Variants in TRIM71 observed in about 807,000 individuals in gnomAD.
The protein encoded by TRIM71 is tripartite motif containing 71, also known as E3 ubiquitin-protein ligase TRIM71.
TRIM71 carries 9 observed loss-of-function variants against 61.2 expected under a neutral mutation model. That is an observed-to-expected ratio of 0.15 (90% confidence interval 0.09 to 0.26). TRIM71 has a LOEUF of 0.26. Ranked by LOEUF, TRIM71 falls within the 10% of genes least tolerant of loss-of-function variation. The pLI is 1.00. For synonymous variants in TRIM71, 645 were observed against 553.2 expected (o/e 1.17, Z -2.33); for missense variants, 998 against 1,238.7 (o/e 0.81, Z 2.92).
At chr3:32,820,615 G>A (rs545215816) in intron 1 of TRIM71, among the ~76,000 whole-genome samples, 1 of 152,336 alleles carries the variant, frequency 6.6e-6, no homozygotes, top group South Asian at 2.1e-4. Context: ...TTCCCCTTCT[G>A]AGAGGTGCTT....
chr3:32,858,971 C>T (rs1167942789), intron 1 of TRIM71, among the ~76,000 whole-genome samples: 1 of 152,066 alleles, frequency 6.6e-6, no homozygotes. Context: ...GTGAAGTTTA[C>T]CCTTGTGTAT....
chr3:32,855,469 G>A (rs1696589758), intron 1 of TRIM71, among the ~76,000 whole-genome samples: 1 of 152,110 alleles, frequency 6.6e-6, no homozygotes, highest in Non-Finnish European at 1.5e-5. Context: ...TGAAGTGGGG[G>A]AGCCTCTGGA....
At chr3:32,860,165 C>T (rs866020839) in intron 1 of TRIM71, among the ~76,000 whole-genome samples, 2 of 148,316 alleles carry the variant, frequency 1.3e-5, no homozygotes, top group Non-Finnish European at 3.0e-5. Flanking sequence ...CCCTCTCCTC[C>T]CCTTCCCTCT....
intron 1 of TRIM71, among the ~76,000 whole-genome samples, chr3:32,826,582 C>CTTTTTTTTTTTTTTTTTTTTTTTTTT: frequency 1.2e-5 from 1 of 83,092 alleles, no homozygotes; most frequent in African/African-American, 5.2e-5. Flanking sequence ...CAGGTGAGTT[C>CTTTTTTTTTTTTTTTTTTTTTTTTTT]TTTTTTTTTT....
intron 1 of TRIM71, among the ~76,000 whole-genome samples, chr3:32,863,355 A>G (rs1050959630): frequency 2.0e-5 from 3 of 151,920 alleles, no homozygotes; most frequent in Non-Finnish European, 4.4e-5. Flanking sequence ...ATGCCCCACC[A>G]TGCTTGGTTA....
At chr3:32,849,443 C>T (rs1696514264) in intron 1 of TRIM71, among the ~76,000 whole-genome samples, 1 of 152,030 alleles carries the variant, frequency 6.6e-6, no homozygotes, top group South Asian at 2.1e-4. Context: ...ACTGCAACCT[C>T]GGCCTCCAGG....
rs1443850641 is a variant in TRIM71, at chr3:32,896,833, G to A, written c.*5022G>A. ...GAGCACACTGACTGAATGTTGATGT[G>A]TGTAGCAAAGTGTTTACTTTCTTTA... On this transcript the variant is annotated 3_prime_UTR_variant, in exon 4 of 4. Coordinates refer to ENST00000383763, the MANE Select transcript of TRIM71 (RefSeq NM_001039111.3). 1 of 152,216 alleles carries A rather than the reference G, an allele frequency of 6.6e-6. No homozygotes were observed. Among genetic ancestry groups the A allele is most frequent in the Non-Finnish European group, 1.5e-5 (1 of 68,038 alleles). 9.4% of individuals were successfully genotyped at this position (152,216 alleles called of 1,614,324 possible).
chr3:32,877,592 C>G (rs1232031458), intron 2 of TRIM71, among the ~76,000 whole-genome samples: 1 of 152,080 alleles, frequency 6.6e-6, no homozygotes, highest in Non-Finnish European at 1.5e-5. Context: ...CTCCTGGCTT[C>G]ATGCGATCTT....
chr3:32,857,548 G>A (rs1559544148), intron 1 of TRIM71, among the ~76,000 whole-genome samples: 1 of 152,072 alleles, frequency 6.6e-6, no homozygotes, highest in Non-Finnish European at 1.5e-5. Flanking sequence ...TATATAGTAT[G>A]CTGTTGACTA....
At chr3:32,835,135 T>C (rs1696320614) in intron 1 of TRIM71, among the ~76,000 whole-genome samples, 1 of 152,132 alleles carries the variant, frequency 6.6e-6, no homozygotes, top group African/African-American at 2.4e-5. Context: ...GATGTTAAGC[T>C]CTGGTTTGAG....
Position 32,894,077 on chromosome 3 carries a change from C to CT in TRIM71, c.*2269dup, listed in dbSNP as rs1036069857. The CT allele has an allele frequency of 1.3e-5, 2 of 152,118 alleles. No homozygotes were observed. The highest frequency in any genetic ancestry group is 2.4e-5 in the African/African-American group (1 of 41,436). The allele number at this position is 152,118 out of a possible 1,614,324, so 9.4% of individuals were successfully genotyped here. A position where few individuals can be genotyped will look rare whatever the true frequency, so the allele number is the denominator to read the frequency against. On this transcript the variant is annotated 3_prime_UTR_variant, in exon 4 of 4. Transcript: ENST00000383763. Reference sequence around the variant, plus strand: ...CCTTTTGGCCGTTAAGCTCTAAGTTCTTTGGTAAAGAGTTAATATAATTAA... The same window carrying CT: ...CCTTTTGGCCGTTAAGCTCTAAGTTCTTTTGGTAAAGAGTTAATATAATTAA...
intron 1 of TRIM71, among the ~76,000 whole-genome samples, chr3:32,826,246 G>T (rs924751558): frequency 1.2e-4 from 19 of 152,096 alleles, no homozygotes; most frequent in Admixed American, 1.2e-3. Flanking sequence ...ATCACATAAG[G>T]CCCAGAGTTC....
chr3:32,889,715 A>G (rs1347543404), intron 3 of TRIM71, among the ~76,000 whole-genome samples: 1 of 151,784 alleles, frequency 6.6e-6, no homozygotes, highest in Non-Finnish European at 1.5e-5. Context: ...TCAGCTTCCC[A>G]AATAGCTGGG....
Position 32,837,595 on chromosome 3 carries a change from G to A in TRIM71, c.852+18663G>A, listed in dbSNP as rs777439638. Among the ~76,000 whole-genome samples, 95 of 152,068 alleles carry A rather than the reference G, an allele frequency of 6.2e-4. 1 individual carries two copies. The highest frequency in any genetic ancestry group is 2.6e-4 in the Admixed American group (4 of 15,268). On this transcript the variant is annotated intron_variant, in intron 1 of 3. Transcript: ENST00000383763. ...AGCACTTTGGGAAGCCAAGGTGGAC[G>A]AATCACGAGGTCAGGAGATCCAGAC...
intron 1 of TRIM71, among the ~76,000 whole-genome samples, chr3:32,850,952 A>C (rs1483439104): frequency 6.6e-6 from 1 of 152,180 alleles, no homozygotes; most frequent in African/African-American, 2.4e-5. Flanking sequence ...GAGGGGTTTA[A>C]ATAGAAAAGG....
At chr3:32,841,983 A>G (rs1696412302) in intron 1 of TRIM71, among the ~76,000 whole-genome samples, 2 of 152,250 alleles carry the variant, frequency 1.3e-5, no homozygotes, top group African/African-American at 2.4e-5. Context: ...CCATACACCT[A>G]GGAACAACTC....
At chr3:32,849,182 A>T (rs1696510639) in intron 1 of TRIM71, among the ~76,000 whole-genome samples, 1 of 152,182 alleles carries the variant, frequency 6.6e-6, no homozygotes, top group South Asian at 2.1e-4. Context: ...ATAAGGTCAG[A>T]AGGAACCCAG....
chr3:32,818,499 C>G lies in TRIM71; in HGVS notation c.419C>G (p.Pro140Arg). The G allele has an allele frequency of 1.4e-6, 2 of 1,421,998 alleles. No homozygotes were observed. Among genetic ancestry groups the G allele is most frequent in the Non-Finnish European group, 1.8e-6 (2 of 1,091,084 alleles). The allele number at this position is 1,421,998 out of a possible 1,614,324, so 88.1% of individuals were successfully genotyped here. A position where few individuals can be genotyped will look rare whatever the true frequency, so the allele number is the denominator to read the frequency against. ...CCCAAGAACGGGCGCGCCGGCGCTC[C>G]GGCGGGAGCGGGCGGCCACAGCAAC... ...PPPKNGRAGA[P>R]AGAGGHSNHR... The change falls in exon 1 of 4, where the codon CCG becomes CGG. Residue 140 changes from proline to arginine, a missense_variant. This residue lies in a region of TRIM71 where 527 missense variants were observed against 427.8 expected (regional missense o/e 1.23). Transcript: ENST00000383763.
intron 1 of TRIM71, among the ~76,000 whole-genome samples, chr3:32,870,633 A>G (rs566418031): frequency 4.6e-5 from 7 of 152,204 alleles, no homozygotes; most frequent in African/African-American, 1.7e-4. Flanking sequence ...TTTTCTGGCT[A>G]CTGCATCTGC....
Sources: gnomAD v4.1 joint callset for allele counts (sites outside exome capture counted in the v4.1 genomes callset) on GRCh38, gnomAD v4.1.1 for gene constraint, gnomAD v4.1.1 regional missense constraint, MANE v1.5 for transcripts, NCBI Gene and HGNC (gene_info 2026-07-23, HGNC 2026-07-21) for gene names.